The following SLC41A2 variants were observed in gnomAD, a reference collection of about 807,000 sequenced individuals.
SLC41A2 encodes the protein SLC41A1-like 1.
Under a neutral mutation model 58.3 loss-of-function variants are expected in SLC41A2, and 32 were observed. The ratio of observed to expected loss-of-function variants is 0.55; its 90% CI spans 0.41 to 0.74. The LOEUF (loss-of-function observed/expected upper bound fraction) is 0.74, where lower values mean the gene tolerates loss of function less well. Ranked by LOEUF, SLC41A2 falls within the 30% of genes least tolerant of loss-of-function variation. The pLI is 0.00. For synonymous variants in SLC41A2, 190 were observed against 235.0 expected (o/e 0.81, Z 1.75); for missense variants, 514 against 680.6 (o/e 0.76, Z 2.72).
intron 1 of SLC41A2, among the ~76,000 whole-genome samples, chr12:104,938,961 A>G (rs377595039): frequency 6.6e-6 from 1 of 152,210 alleles, no homozygotes; most frequent in Non-Finnish European, 1.5e-5. Context: ...AAAATTTTAC[A>G]AAGTTAAAAA....
rs774572652 is a variant in SLC41A2, at chr12:104,886,331, A to G, written c.989T>C (p.Ile330Thr). Reference sequence around the variant, plus strand: ...TAAGCCCTGACTTATCCAAGCCAATATGGCAAGAGTTATAAGGTCGCCAAA... The same window carrying G: ...TAAGCCCTGACTTATCCAAGCCAATGTGGCAAGAGTTATAAGGTCGCCAAA... ...ASFGDLITLA[I>T]LAWISQGLYS... Residue 330 changes from isoleucine to threonine, a missense_variant, in exon 6 of 11, where the codon ATA (isoleucine) becomes ACA (threonine). By Grantham distance (89) the Ile-to-Thr change is moderately conservative. Around this residue, in one of 3 missense-constraint regions of SLC41A2, gnomAD observed 336 missense variants for 430.0 expected, o/e 0.78. Coordinates refer to ENST00000258538, the MANE Select transcript of SLC41A2 (RefSeq NM_001352171.3). 6.2e-7 allele frequency: 1 copy of G among 1,613,674 alleles called. No individual in the cohort carries two copies. The highest frequency in any genetic ancestry group is 1.1e-5 in the South Asian group (1 of 91,036).
chr12:104,924,130 G>C (rs558315566), intron 2 of SLC41A2, among the ~76,000 whole-genome samples: 1 of 152,132 alleles, frequency 6.6e-6, no homozygotes, highest in Admixed American at 6.5e-5. Context: ...AAAACAAATA[G>C]AAAGATGGAC....
chr12:104,935,697 T>G (rs1212930647), intron 1 of SLC41A2, among the ~76,000 whole-genome samples: 2 of 152,166 alleles, frequency 1.3e-5, no homozygotes, highest in African/African-American at 4.8e-5. Context: ...TGGTCAAGGA[T>G]GGACCACATA....
chr12:104,852,031 A>G (rs1008177820), intron 8 of SLC41A2: 3 of 152,244 alleles, frequency 2.0e-5, no homozygotes, highest in Admixed American at 2.0e-4. Context: ...AGTGAAGGTA[A>G]ATGAAAATGT....
Position 104,844,511 on chromosome 12 carries a change from T to C in SLC41A2, c.1497A>G (p.Ile499Met). 1 of 1,559,678 alleles carries C rather than the reference T, an allele frequency of 6.4e-7. No homozygotes were observed. The highest frequency in any genetic ancestry group is 2.3e-5 in the East Asian group (1 of 42,578). Residue 499 changes from isoleucine to methionine, a missense_variant, in exon 10 of 11, where the codon ATA becomes ATG. By Grantham distance (10) the Ile-to-Met change is conservative (BLOSUM62 1). Coordinates refer to ENST00000258538, the MANE Select transcript of SLC41A2 (RefSeq NM_001352171.3). ...LMKSGHTSLT[I>M]IFIVVYLFGA... ...CAAATAAATACACTACTATGAAGAT[T>C]ATAGTTAAAGAAGTATGACCACTTT... is the stretch of plus-strand genomic sequence containing the variant.
chr12:104,832,338 A>G (rs540414203), intron 10 of SLC41A2, among the ~76,000 whole-genome samples: 4 of 152,276 alleles, frequency 2.6e-5, no homozygotes, highest in Non-Finnish European at 2.9e-5. Flanking sequence ...GAAAAGATTA[A>G]TTGTTATGCA....
chr12:104,811,896 T>C (rs1349018212), intron 10 of SLC41A2, among the ~76,000 whole-genome samples: 1 of 152,220 alleles, frequency 6.6e-6, no homozygotes, highest in Non-Finnish European at 1.5e-5. Context: ...ATTACTTACA[T>C]GTCTGTGTGT....
intron 7 of SLC41A2, among the ~76,000 whole-genome samples, chr12:104,861,858 T>C (rs942142351): frequency 2.6e-5 from 4 of 152,214 alleles, no homozygotes; most frequent in African/African-American, 9.6e-5. Flanking sequence ...GTATTAAAAC[T>C]AGATATTGTT....
Position 104,803,305 on chromosome 12 carries a change from ATTCT to A in SLC41A2, c.*1843_*1846del, listed in dbSNP as rs1339972929. 1 of 152,092 alleles carries A rather than the reference ATTCT, an allele frequency of 6.6e-6. No homozygotes were observed. Among genetic ancestry groups the A allele is most frequent in the Non-Finnish European group, 1.5e-5 (1 of 68,012 alleles). The allele number at this position is 152,092 out of a possible 1,614,324, so 9.4% of individuals were successfully genotyped here. A position where few individuals can be genotyped will look rare whatever the true frequency, so the allele number is the denominator to read the frequency against. ...GCTAAATATTCATCAACTTAAACTT[ATTCT>A]TTCTTTTATAAGAATGTTCACTATG... On this transcript the variant is annotated 3_prime_UTR_variant, in exon 11 of 11. Transcript: ENST00000258538.
intron 2 of SLC41A2, among the ~76,000 whole-genome samples, chr12:104,911,413 AAC>A (rs984000738): frequency 1.3e-5 from 2 of 151,536 alleles, no homozygotes; most frequent in African/African-American, 4.8e-5. Context: ...ATATTAAAAT[AAC>A]AGATATTAAA....
intron 2 of SLC41A2, among the ~76,000 whole-genome samples, chr12:104,917,563 T>C (rs1352834004): frequency 6.6e-6 from 1 of 151,400 alleles, no homozygotes; most frequent in Non-Finnish European, 1.5e-5. Flanking sequence ...TAGCAAAGAC[T>C]TGGAACCAAC....
At chr12:104,943,848 G>C (rs1032794363) in intron 1 of SLC41A2, among the ~76,000 whole-genome samples, 1 of 152,128 alleles carries the variant, frequency 6.6e-6, no homozygotes, top group African/African-American at 2.4e-5. Context: ...AGGTAGTAAA[G>C]AGAGCTCACT....
At chr12:104,910,311 G>C (rs1333474515) in intron 2 of SLC41A2, among the ~76,000 whole-genome samples, 1 of 152,130 alleles carries the variant, frequency 6.6e-6, no homozygotes, top group Non-Finnish European at 1.5e-5. Context: ...ATTTTAAGGT[G>C]TGAGGCAGAG....
At chr12:104,812,573 G>A (rs1273785585) in intron 10 of SLC41A2, among the ~76,000 whole-genome samples, 1 of 152,118 alleles carries the variant, frequency 6.6e-6, no homozygotes, top group African/African-American at 2.4e-5. Flanking sequence ...TTTCTCCCAT[G>A]TTCTCTTTCT....
chr12:104,939,929 T>C (rs1467306544), intron 1 of SLC41A2, among the ~76,000 whole-genome samples: 1 of 152,174 alleles, frequency 6.6e-6, no homozygotes, highest in African/African-American at 2.4e-5. Flanking sequence ...TTATTATATA[T>C]TCTTACTTTT....
intron 6 of SLC41A2, among the ~76,000 whole-genome samples, chr12:104,880,811 G>C (rs113021749): frequency 2.0e-4 from 30 of 152,166 alleles, no homozygotes; most frequent in Non-Finnish European, 2.8e-4. Flanking sequence ...GCTTTGGTAT[G>C]AGGATGATGC....
intron 1 of SLC41A2, among the ~76,000 whole-genome samples, chr12:104,953,733 C>T (rs927614599): frequency 6.6e-6 from 1 of 152,164 alleles, no homozygotes; most frequent in Non-Finnish European, 1.5e-5. Context: ...GAAAATTACA[C>T]TATTATTTTA....
At chr12:104,841,267 C>T (rs906912840) in intron 10 of SLC41A2, among the ~76,000 whole-genome samples, 1 of 151,614 alleles carries the variant, frequency 6.6e-6, no homozygotes, top group African/African-American at 2.4e-5. Context: ...TTTTGGATAC[C>T]TATGTCAGTG....
intron 1 of SLC41A2, among the ~76,000 whole-genome samples, chr12:104,933,703 A>T (rs185005572): frequency 5.3e-5 from 8 of 151,976 alleles, no homozygotes; most frequent in Non-Finnish European, 8.8e-5. Context: ...ACACACACAC[A>T]CCCATATATA....
Sources: allele counts gnomAD v4.1 joint callset (sites outside exome capture counted in the v4.1 genomes callset), GRCh38; gene constraint gnomAD v4.1.1; regional missense constraint gnomAD v4.1.1; transcripts MANE v1.5; gene names NCBI Gene and HGNC (gene_info 2026-07-23, HGNC 2026-07-21).